Variants in RILPL2 observed in about 807,000 individuals in gnomAD.
RILPL2 encodes RILP-like protein 2.
In RILPL2, 19 loss-of-function variants were observed where a neutral mutation model predicts 22.2. The observed-to-expected ratio is 0.86, with a 90% CI of 0.60 to 1.25. RILPL2 has a LOEUF of 1.25. Ranked by LOEUF, RILPL2 falls within the 50% of genes most tolerant of loss-of-function variation. RILPL2 has a pLI of 0.00. For synonymous variants in RILPL2, 123 were observed against 111.6 expected (o/e 1.10, Z -0.64); for missense variants, 243 against 263.6 (o/e 0.92, Z 0.54).
intron 1 of RILPL2, among the ~76,000 whole-genome samples, chr12:123,431,552 G>T (rs957363212): frequency 2.0e-5 from 3 of 152,088 alleles, no homozygotes; most frequent in African/African-American, 7.2e-5. Context: ...GGCCGGGCAC[G>T]GTGGCTCACG....
downstream of RILPL2, chr12:123,413,701 C>T (rs1032745634): frequency 6.6e-6 from 1 of 152,280 alleles, no homozygotes; most frequent in Non-Finnish European, 1.5e-5. Context: ...ATTCTCTTAT[C>T]TGGCCCCACC....
Position 123,431,546 on chromosome 12 carries a change from G to A in RILPL2, c.340-887C>T, listed in dbSNP as rs189392018. Among the ~76,000 whole-genome samples the A allele has an allele frequency of 6.1e-3, 921 of 152,180 alleles. 10 individuals are homozygous for A. Among genetic ancestry groups the A allele is most frequent in the African/African-American group, 0.019 (779 of 41,538 alleles). On this transcript the variant is annotated intron_variant, in intron 1 of 3. Transcript: ENST00000280571. ...CACTTAAAAATAGTTAAGATGGGCC[G>A]GGCACGGTGGCTCACGCCTGTTATC... is the stretch of plus-strand genomic sequence containing the variant.
downstream of RILPL2, chr12:123,410,722 AAAAAAC>A (rs1229209775): frequency 1.3e-5 from 2 of 152,174 alleles, no homozygotes; most frequent in Non-Finnish European, 2.9e-5. Context: ...ACAAAAAAAA[AAAAAAC>A]AACACTTGGA....
chr12:123,416,105 A>G (rs1879109773), intron 3 of RILPL2, among the ~76,000 whole-genome samples, 184 bp from the exon 4 acceptor site: 1 of 151,722 alleles, frequency 6.6e-6, no homozygotes, highest in African/African-American at 2.4e-5. Context: ...GATGAGGATC[A>G]CTTGATCCCA....
chr12:123,423,588 G>C (rs1189043398), intron 2 of RILPL2, among the ~76,000 whole-genome samples: 4 of 151,870 alleles, frequency 2.6e-5, no homozygotes, highest in African/African-American at 9.7e-5. Context: ...ACGGTTGAAA[G>C]CACTAGAGTC....
At chr12:123,416,002 T>A in intron 3 of RILPL2, 81 bp from the exon 4 acceptor site, 1 of 1,395,460 alleles carries the variant, frequency 7.2e-7, no homozygotes, top group Non-Finnish European at 1.0e-6. Context: ...AATTTCTAAG[T>A]AGCTCTTGCA....
intron 2 of RILPL2, among the ~76,000 whole-genome samples, chr12:123,427,763 T>A (rs965830202): frequency 5.9e-5 from 9 of 152,142 alleles, no homozygotes; most frequent in African/African-American, 2.2e-4. Context: ...CAGGCTGATC[T>A]CAAACTCCTG....
At chr12:123,421,006 C>T (rs1253442403) in intron 3 of RILPL2, among the ~76,000 whole-genome samples, 1 of 151,596 alleles carries the variant, frequency 6.6e-6, no homozygotes, top group Non-Finnish European at 1.5e-5. Flanking sequence ...GTGTCTGGCA[C>T]ATAGCAAATG....
intron 1 of RILPL2, among the ~76,000 whole-genome samples, chr12:123,435,628 A>T (rs571653760): frequency 2.2e-3 from 342 of 152,122 alleles, no homozygotes; most frequent in Non-Finnish European, 4.0e-3. Flanking sequence ...ACTCCCAGCT[A>T]CTTGGAAGGG....
the RILPL2 span, among the ~76,000 whole-genome samples, chr12:123,409,550 C>CTT: frequency 6.3e-3 from 770 of 122,172 alleles, 12 homozygotes; most frequent in African/African-American, 0.021. Flanking sequence ...AAAGTTAATG[C>CTT]TTTTTTTTTT....
At chr12:123,429,905 C>G (rs1399034237) in intron 2 of RILPL2, among the ~76,000 whole-genome samples, 1 of 151,256 alleles carries the variant, frequency 6.6e-6, no homozygotes, top group East Asian at 2.0e-4. Context: ...CACTTGAGCC[C>G]AAGAGTTTGA....
intron 2 of RILPL2, among the ~76,000 whole-genome samples, chr12:123,430,147 T>A (rs113630907): frequency 5.5e-5 from 7 of 127,252 alleles, no homozygotes; most frequent in African/African-American, 1.5e-4. Context: ...TGGTGGCTCA[T>A]GCCTGTAATC....
chr12:123,436,375 C>T lies in RILPL2; in HGVS notation c.46G>A (p.Glu16Lys). 6.4e-7 allele frequency: 1 copy of T among 1,552,648 alleles called. No individual in the cohort carries two copies. The highest frequency in any genetic ancestry group is 1.4e-5 in the African/African-American group (1 of 73,248). ...CCAACCTCGTCCCTCTCCTCGTCCT[C>T]CTCTCCCTCCTCCTCTTCCTCTTCT... is the stretch of plus-strand genomic sequence containing the variant. Reference protein sequence around the residue: ...VREEEEEEGEEDEERDEVGPE... With the variant: ...VREEEEEEGEKDEERDEVGPE... Residue 16 changes from glutamate to lysine, a missense_variant, in exon 1 of 4, where the codon GAG becomes AAG. By Grantham distance (56) the Glu-to-Lys change is moderately conservative (BLOSUM62 1). Transcript: ENST00000280571. The surrounding 1 kb of genome is among the most constrained non-coding windows in gnomAD (Gnocchi z 6.7).
chr12:123,411,465 G>C (rs1243697826), downstream of RILPL2: 2 of 150,906 alleles, frequency 1.3e-5, no homozygotes, highest in African/African-American at 2.4e-5. Context: ...CTGGGCGACA[G>C]AGCGAGACTC....
chr12:123,423,363 G>A (rs1422167404), intron 2 of RILPL2, among the ~76,000 whole-genome samples: 3 of 151,418 alleles, frequency 2.0e-5, no homozygotes, highest in Non-Finnish European at 4.4e-5. Flanking sequence ...CACCATGCTC[G>A]GCTAATTTTT....
chr12:123,427,815 G>C (rs945822762), intron 2 of RILPL2, among the ~76,000 whole-genome samples: 1 of 152,194 alleles, frequency 6.6e-6, no homozygotes, highest in African/African-American at 2.4e-5. Context: ...AAAGTGCTGG[G>C]ATTACAGGTG....
chr12:123,426,039 G>T (rs1487874123), intron 2 of RILPL2, among the ~76,000 whole-genome samples: 1 of 151,930 alleles, frequency 6.6e-6, no homozygotes, highest in Non-Finnish European at 1.5e-5. Context: ...GAACTCCTAG[G>T]CTCAAGTGTT....
In RILPL2 at chr12:123,415,754, C is replaced by A; in HGVS notation, c.*137G>T. ...GATGCCAAGAGAACCTCGTCTCCTC[C>A]CTCCTCAGTCTGCTTTGAAGGGGAA... On this transcript the variant is annotated 3_prime_UTR_variant, in exon 4 of 4. Coordinates refer to ENST00000280571, the MANE Select transcript of RILPL2 (RefSeq NM_145058.3). 1.2e-6 allele frequency: 1 copy of A among 853,050 alleles called. No homozygotes were observed. The highest frequency in any genetic ancestry group is 2.0e-6 in the Non-Finnish European group (1 of 499,142). 52.8% of individuals were successfully genotyped at this position (853,050 alleles called of 1,614,324 possible).
chr12:123,435,290 T>C (rs996195149), intron 1 of RILPL2, among the ~76,000 whole-genome samples: 5 of 152,230 alleles, frequency 3.3e-5, no homozygotes, highest in African/African-American at 1.2e-4. Flanking sequence ...CCCCGTTCTT[T>C]TTCTCTGTTG....
Sources: allele counts gnomAD v4.1 joint callset (sites outside exome capture counted in the v4.1 genomes callset), GRCh38; gene constraint gnomAD v4.1.1; non-coding constraint Gnocchi (gnomAD v3.1); transcripts MANE v1.5; gene names NCBI Gene and HGNC (gene_info 2026-07-23, HGNC 2026-07-21).